The following DNAH14 variants were observed in gnomAD, a reference collection of about 807,000 sequenced individuals.
DNAH14 encodes axonemal beta dynein heavy chain 14.
Under a neutral mutation model 520.9 loss-of-function variants are expected in DNAH14, and 478 were observed. The observed-to-expected ratio is 0.92, with a 90% confidence interval of 0.85 to 0.99. DNAH14 has a LOEUF of 0.99. DNAH14 is among the 50% of genes least tolerant of loss of function. DNAH14 has a pLI of 0.00. For synonymous variants in DNAH14, 1,581 were observed against 1,757.2 expected (o/e 0.90, Z 2.51); for missense variants, 4,831 against 5,234.5 (o/e 0.92, Z 2.38).
Position 225,336,082 on chromosome 1 carries a change from T to A in DNAH14, c.10081-1184T>A, listed in dbSNP as rs909562103. On this transcript the variant is annotated intron_variant, in intron 66 of 85. Coordinates refer to ENST00000682510, the MANE Select transcript of DNAH14 (RefSeq NM_001367479.1). ...ATATGTATACATACATACTTATATA[T>A]ACATATATGCTTATACATATATGTA... Among the ~76,000 whole-genome samples, 163 of 147,390 alleles carry A rather than the reference T, an allele frequency of 1.1e-3. 1 individual carries two copies. Among genetic ancestry groups the A allele is most frequent in the African/African-American group, 4.0e-3 (161 of 39,996 alleles).
chr1:225,104,761 T>C (rs1274882535), intron 23 of DNAH14, among the ~76,000 whole-genome samples: 2 of 152,206 alleles, frequency 1.3e-5, no homozygotes, highest in African/African-American at 2.4e-5. Context: ...TTGTGTCTAT[T>C]TGATTCTTCT....
At chr1:225,057,953 G>A (rs894467820) in intron 17 of DNAH14, among the ~76,000 whole-genome samples, 1 of 152,112 alleles carries the variant, frequency 6.6e-6, no homozygotes, top group South Asian at 2.1e-4. Flanking sequence ...GAGGATTTTT[G>A]CATTGATGTT....
intron 4 of DNAH14, among the ~76,000 whole-genome samples, chr1:224,961,900 G>A (rs1211040294): frequency 6.6e-6 from 1 of 152,062 alleles, no homozygotes; most frequent in Non-Finnish European, 1.5e-5. Flanking sequence ...ATGGCTGCCA[G>A]ATAAATAAAA....
chr1:224,930,739 A>G (rs1267623269), intron 1 of DNAH14, among the ~76,000 whole-genome samples: 1 of 152,132 alleles, frequency 6.6e-6, no homozygotes, highest in East Asian at 1.9e-4. Context: ...CTGGGACTAC[A>G]GGCGTCCTCC....
chr1:225,385,359 G>A (rs2095828954), intron 81 of DNAH14, among the ~76,000 whole-genome samples: 2 of 152,284 alleles, frequency 1.3e-5, no homozygotes, highest in Admixed American at 1.3e-4. Context: ...ATTCAACATA[G>A]TTTTGGAAGT....
At chr1:225,168,771 A>G (rs1261683216) in intron 36 of DNAH14, among the ~76,000 whole-genome samples, 2 of 152,130 alleles carry the variant, frequency 1.3e-5, no homozygotes, top group East Asian at 1.9e-4. Flanking sequence ...GCAGACTTAA[A>G]TGTCCCTGTC....
intron 43 of DNAH14, among the ~76,000 whole-genome samples, chr1:225,248,395 T>G (rs1400116203): frequency 6.6e-6 from 1 of 152,158 alleles, no homozygotes; most frequent in Non-Finnish European, 1.5e-5. Context: ...CAAAATAAGA[T>G]GGAAGAGGGG....
At chr1:224,994,902 A>G (rs2063297098) in intron 8 of DNAH14, among the ~76,000 whole-genome samples, 1 of 151,996 alleles carries the variant, frequency 6.6e-6, no homozygotes. Context: ...ACTATTTCAA[A>G]CTGATAACTT....
At chr1:225,260,254 A>G (rs2149763196) in intron 46 of DNAH14, among the ~76,000 whole-genome samples, 1 of 151,944 alleles carries the variant, frequency 6.6e-6, no homozygotes, top group East Asian at 1.9e-4. Context: ...CGGAAGACTG[A>G]GGCAGGAGAG....
chr1:225,157,776 C>G (rs975993213), intron 34 of DNAH14, among the ~76,000 whole-genome samples: 2 of 152,146 alleles, frequency 1.3e-5, no homozygotes, highest in Non-Finnish European at 2.9e-5. Flanking sequence ...GTGGCCCCCT[C>G]CCTTTGACTT....
chr1:225,248,538 T>C (rs1558151153), intron 43 of DNAH14, among the ~76,000 whole-genome samples: 1 of 152,136 alleles, frequency 6.6e-6, no homozygotes, highest in Non-Finnish European at 1.5e-5. Context: ...CACAGAAGTT[T>C]AGAATGAGGT....
chr1:225,083,682 C>T (rs553518818), intron 20 of DNAH14, among the ~76,000 whole-genome samples: 6 of 152,240 alleles, frequency 3.9e-5, no homozygotes, highest in African/African-American at 1.2e-4. Flanking sequence ...TCTGAATCTT[C>T]TCTTTCATAA....
At chr1:225,360,126 G>C (rs1206603692) in intron 74 of DNAH14, among the ~76,000 whole-genome samples, 2 of 152,192 alleles carry the variant, frequency 1.3e-5, no homozygotes, top group Admixed American at 6.5e-5. Flanking sequence ...GTGTTAGTTT[G>C]CTGAGATAGT....
intron 35 of DNAH14, among the ~76,000 whole-genome samples, chr1:225,164,213 T>C (rs1164387994): frequency 6.6e-6 from 1 of 152,164 alleles, no homozygotes; most frequent in Non-Finnish European, 1.5e-5. Context: ...TTGTAAGTTA[T>C]ATATGTATTC....
At chr1:225,212,801 G>A (rs1044975459) in intron 41 of DNAH14, among the ~76,000 whole-genome samples, 8 of 152,058 alleles carry the variant, frequency 5.3e-5, no homozygotes, top group Non-Finnish European at 1.0e-4. Flanking sequence ...GTAGATTCTG[G>A]ATATCAGCCC....
intron 11 of DNAH14, among the ~76,000 whole-genome samples, chr1:225,026,929 C>A (rs540837947): frequency 3.3e-5 from 5 of 151,636 alleles, no homozygotes; most frequent in Admixed American, 6.6e-5. Flanking sequence ...TCTTTAATTT[C>A]TTTCAATATT....
Position 225,039,183 on chromosome 1 carries a change from A to G in DNAH14, c.1488+360A>G, listed in dbSNP as rs184372420. Among the ~76,000 whole-genome samples the G allele has an allele frequency of 2.3e-3, 351 of 152,126 alleles. 1 individual carries two copies. The highest frequency in any genetic ancestry group is 4.2e-3 in the Non-Finnish European group (282 of 67,948). ...GTGATGAGTACTGTGAAGAAAAATA[A>G]TGGAAAAAAAGGGAATGCAGGAGTG... On this transcript the variant is annotated intron_variant, in intron 12 of 85. Transcript: ENST00000682510.
At chr1:225,015,068 A>G (rs972280874) in intron 10 of DNAH14, among the ~76,000 whole-genome samples, 5 of 152,108 alleles carry the variant, frequency 3.3e-5, no homozygotes, top group African/African-American at 1.2e-4. Context: ...GTCTATTATT[A>G]TAGGTTTTCA....
chr1:225,018,604 A>T (rs1017484604), intron 10 of DNAH14, among the ~76,000 whole-genome samples: 1 of 152,160 alleles, frequency 6.6e-6, no homozygotes. Context: ...ATAGTCATCA[A>T]ATTCTCCAAG....
Sources: gnomAD v4.1 joint callset for allele counts (sites outside exome capture counted in the v4.1 genomes callset) on GRCh38, gnomAD v4.1.1 for gene constraint, MANE v1.5 for transcripts, NCBI Gene and HGNC (gene_info 2026-07-23, HGNC 2026-07-21) for gene names.